FARP1: variants seen among roughly 807,000 people sequenced by gnomAD.
FARP1 encodes FERM, ARH/RhoGEF and pleckstrin domain protein 1, also known as FERM, ARHGEF and pleckstrin domain-containing protein 1.
In FARP1, 52 loss-of-function variants were observed where a neutral mutation model predicts 128.8. The ratio of observed to expected loss-of-function variants is 0.40; its 90% CI spans 0.32 to 0.51. FARP1 has a LOEUF of 0.51. FARP1 is among the 20% of genes least tolerant of loss of function. FARP1 has a pLI of 0.45. For missense variants in FARP1, 1,333 were observed against 1,367.9 expected (o/e 0.97, Z 0.40); for synonymous variants, 580 against 551.8 (o/e 1.05, Z -0.72).
chr13:98,302,843 T>TGCAA (rs1885979657), intron 2 of FARP1, among the ~76,000 whole-genome samples: 1 of 151,164 alleles, frequency 6.6e-6, no homozygotes, highest in African/African-American at 2.4e-5. Context: ...GCGAGGAGAG[T>TGCAA]TAAGGTGAGT....
intron 19 of FARP1, among the ~76,000 whole-genome samples, chr13:98,438,515 G>A (rs1220158649): frequency 1.3e-5 from 2 of 152,124 alleles, no homozygotes. Context: ...TACCTGCCCT[G>A]TACCTTCCTG....
intron 3 of FARP1, among the ~76,000 whole-genome samples, chr13:98,347,464 T>C (rs1417435703): frequency 1.3e-5 from 2 of 152,328 alleles, no homozygotes; most frequent in South Asian, 2.1e-4. Context: ...CTATCTACTT[T>C]AGACACGTCA....
intron 2 of FARP1, among the ~76,000 whole-genome samples, chr13:98,238,196 G>A (rs1455021978): frequency 6.6e-6 from 1 of 152,308 alleles, no homozygotes; most frequent in Admixed American, 6.5e-5. Context: ...GAAAATCATA[G>A]AGGAGAAAGC....
At chr13:98,278,108 CTG>C (rs1884750233) in intron 2 of FARP1, among the ~76,000 whole-genome samples, 1 of 152,038 alleles carries the variant, frequency 6.6e-6, no homozygotes, top group African/African-American at 2.4e-5. Context: ...TTCAAAAGAG[CTG>C]TGTTTTCTTC....
intron 3 of FARP1, among the ~76,000 whole-genome samples, chr13:98,347,426 G>A (rs7997526): frequency 0.018 from 2,682 of 152,150 alleles, 75 homozygotes; most frequent in African/African-American, 0.059. Context: ...CCCTTCCCCA[G>A]CCCCTGTTCT....
intron 2 of FARP1, among the ~76,000 whole-genome samples, chr13:98,292,304 A>G (rs973611530): frequency 6.6e-6 from 1 of 152,258 alleles, no homozygotes; most frequent in African/African-American, 2.4e-5. Context: ...CCGTTTGTCC[A>G]GTGAACTTGA....
intron 1 of FARP1, among the ~76,000 whole-genome samples, chr13:98,193,335 C>T (rs1188518185): frequency 1.3e-5 from 2 of 152,188 alleles, no homozygotes; most frequent in Non-Finnish European, 2.9e-5. Context: ...GGATTACAGG[C>T]GTGAGCCACT....
chr13:98,245,132 A>G, intron 2 of FARP1: 1 of 993,564 alleles, frequency 1.0e-6, no homozygotes, highest in Non-Finnish European at 1.2e-6. Context: ...GTTAACTGGA[A>G]TTGCTGAAGT....
intron 19 of FARP1, among the ~76,000 whole-genome samples, chr13:98,438,224 T>C (rs1337098418): frequency 1.3e-5 from 2 of 152,148 alleles, no homozygotes; most frequent in African/African-American, 4.8e-5. Flanking sequence ...CTCTCACTCC[T>C]TTATCCTCAA....
At chr13:98,437,008 G>A (rs1423035030) in intron 19 of FARP1, among the ~76,000 whole-genome samples, 2 of 152,160 alleles carry the variant, frequency 1.3e-5, no homozygotes, top group Non-Finnish European at 2.9e-5. Context: ...ACCAGTGCCG[G>A]GGTGGCGGGG....
intron 7 of FARP1, among the ~76,000 whole-genome samples, chr13:98,385,433 T>C (rs1327767458): frequency 1.3e-5 from 2 of 152,114 alleles, no homozygotes; most frequent in East Asian, 3.9e-4. Flanking sequence ...AAACAAAAAC[T>C]GGCTGAGTTT....
chr13:98,220,145 C>T (rs1450178826), intron 2 of FARP1, among the ~76,000 whole-genome samples: 10 of 151,948 alleles, frequency 6.6e-5, no homozygotes, highest in African/African-American at 1.5e-4. Context: ...GTAGCGGTTC[C>T]GACTCTCCTG....
intron 5 of FARP1, among the ~76,000 whole-genome samples, chr13:98,373,557 C>T (rs1186224667): frequency 6.6e-6 from 1 of 151,354 alleles, no homozygotes; most frequent in Non-Finnish European, 1.5e-5. Context: ...CACACACACA[C>T]ACACACACAC....
intron 6 of FARP1, chr13:98,382,525 A>C (rs1054063732): frequency 2.6e-5 from 4 of 152,240 alleles, no homozygotes; most frequent in Non-Finnish European, 1.5e-5. Flanking sequence ...CCAAACATAA[A>C]GCTCACAAGA....
At chr13:98,303,042 A>G (rs1885987709) in intron 2 of FARP1, among the ~76,000 whole-genome samples, 1 of 152,156 alleles carries the variant, frequency 6.6e-6, no homozygotes, top group Admixed American at 6.5e-5. Context: ...TTTTGATTGT[A>G]AAGGGAATAT....
At chr13:98,431,501 G>A (rs1254062141) in intron 18 of FARP1, 18 of 426,948 alleles carry the variant, frequency 4.2e-5, no homozygotes, top group South Asian at 8.8e-5. Context: ...TCACTCTGTC[G>A]CCCAGGCTGG....
chr13:98,330,195 AG>A (rs1176616977), intron 2 of FARP1, among the ~76,000 whole-genome samples: 8 of 152,136 alleles, frequency 5.3e-5, no homozygotes, highest in Admixed American at 5.2e-4. Flanking sequence ...AGTGAGCCAG[AG>A]GGAGGACATT....
At chr13:98,144,231 A>T (rs576997178) in intron 1 of FARP1, among the ~76,000 whole-genome samples, 1 of 148,278 alleles carries the variant, frequency 6.7e-6, no homozygotes, top group Non-Finnish European at 1.5e-5. Context: ...TGTGTGTTTT[A>T]TTTGAGGGGG....
At chr13:98,312,236 GT>G (rs1312910136) in intron 2 of FARP1, among the ~76,000 whole-genome samples, 1 of 143,014 alleles carries the variant, frequency 7.0e-6, no homozygotes, top group Non-Finnish European at 1.5e-5. Context: ...CACCTCCCGG[GT>G]TCATGCCATT....
Sources: gnomAD v4.1 joint callset for allele counts (sites outside exome capture counted in the v4.1 genomes callset) on GRCh38, gnomAD v4.1.1 for gene constraint, MANE v1.5 for transcripts, NCBI Gene and HGNC (gene_info 2026-07-23, HGNC 2026-07-21) for gene names.